Variants in TMEM163 observed in about 807,000 individuals in gnomAD.
TMEM163 encodes transmembrane protein 163.
A neutral mutation model predicts 29.3 loss-of-function variants in TMEM163; 17 were observed. The ratio of observed to expected loss-of-function variants is 0.58; its 90% confidence interval spans 0.40 to 0.87. TMEM163 has a LOEUF of 0.87. Among genes scored for constraint, TMEM163 ranks in the 40% least tolerant of loss-of-function variants. TMEM163 has a pLI of 0.00. For missense variants in TMEM163, 303 were observed against 381.5 expected (o/e 0.79, Z 1.71); for synonymous variants, 157 against 160.6 (o/e 0.98, Z 0.17).
chr2:134,602,574 G>C (rs556251764), intron 2 of TMEM163, among the ~76,000 whole-genome samples: 1 of 152,238 alleles, frequency 6.6e-6, no homozygotes, highest in East Asian at 1.9e-4. Context: ...GAATTGCCCT[G>C]ACGAGCACAG....
At position 134,623,367 on chromosome 2, in the gene TMEM163, C is replaced by T. The variant is rs545600621; in HGVS notation, c.323-71276G>A. Among the ~76,000 whole-genome samples the T allele has an allele frequency of 4.6e-5, 7 of 152,180 alleles. No homozygotes were observed. The South Asian group carries it at 1.2e-3, about 27-fold the overall frequency. On this transcript the variant is annotated intron_variant, in intron 2 of 7. Transcript: ENST00000281924. ...CTTAAGACTTCCATTTATACTTTTT[C>T]GAGCAGCACTCACACCCAAGTACTA...
chr2:134,552,656 CTTTTTTTTTTTT>C (rs35785546), intron 2 of TMEM163, among the ~76,000 whole-genome samples: 19 of 113,528 alleles, frequency 1.7e-4, no homozygotes, highest in Admixed American at 2.9e-4. Context: ...TATTTTGATC[CTTTTTTTTTTTT>C]TTTTTTTTTT....
At chr2:134,596,064 C>A (rs1237785467) in intron 2 of TMEM163, among the ~76,000 whole-genome samples, 2 of 152,138 alleles carry the variant, frequency 1.3e-5, no homozygotes, top group Non-Finnish European at 2.9e-5. Flanking sequence ...CTGTAGGTTG[C>A]CGGTTCACTC....
chr2:134,477,225 A>G (rs1045510305), intron 5 of TMEM163, among the ~76,000 whole-genome samples: 2 of 152,206 alleles, frequency 1.3e-5, no homozygotes, highest in Non-Finnish European at 2.9e-5. Context: ...TGCAGGAGGT[A>G]CTGGGTGAAT....
intron 2 of TMEM163, among the ~76,000 whole-genome samples, chr2:134,683,689 G>A (rs186946581): frequency 0.012 from 1,891 of 152,286 alleles, 25 homozygotes; most frequent in Non-Finnish European, 0.017. Context: ...CACAGACCCT[G>A]GCTCAATAGC....
At chr2:134,469,665 G>T (rs557252028) in intron 5 of TMEM163, 1 of 152,412 alleles carries the variant, frequency 6.6e-6, no homozygotes, top group African/African-American at 2.4e-5. Flanking sequence ...TCGCCCAGGG[G>T]AGAGAGGGGC....
At chr2:134,516,623 ATT>A (rs70973455) in intron 4 of TMEM163, among the ~76,000 whole-genome samples, 1 of 148,178 alleles carries the variant, frequency 6.7e-6, no homozygotes, top group Non-Finnish European at 1.5e-5. Context: ...ATATTCATAT[ATT>A]TTTATATATA....
At chr2:134,572,444 T>C (rs185852979) in intron 2 of TMEM163, among the ~76,000 whole-genome samples, 2 of 152,356 alleles carry the variant, frequency 1.3e-5, no homozygotes, top group Admixed American at 1.3e-4. Context: ...CAAAGATACC[T>C]CTCCAATCCT....
At position 134,552,431 on chromosome 2, in the gene TMEM163, A is replaced by G. The variant is rs1206762151; in HGVS notation, c.323-340T>C. Among the ~76,000 whole-genome samples, 7 of 152,144 alleles carry G rather than the reference A, an allele frequency of 4.6e-5. No individual in the cohort carries two copies. In the East Asian group the frequency reaches 5.8e-4, roughly 13 times the overall value. ...ATCAAACTTTCAAAGTAAAACTCCA[A>G]CCACCCAAACTGTTCCCATAATAAG... On this transcript the variant is annotated intron_variant, in intron 2 of 7. Transcript: ENST00000281924.
chr2:134,521,743 G>T (rs576294080), intron 4 of TMEM163, among the ~76,000 whole-genome samples: 1 of 152,278 alleles, frequency 6.6e-6, no homozygotes, highest in South Asian at 2.1e-4. Flanking sequence ...TGCACACAAG[G>T]TGAACATCAA....
At chr2:134,683,147 C>G (rs1574336377) in intron 2 of TMEM163, among the ~76,000 whole-genome samples, 2 of 152,264 alleles carry the variant, frequency 1.3e-5, no homozygotes, top group East Asian at 3.9e-4. Flanking sequence ...TGAAGATACT[C>G]TACATGATAC....
chr2:134,481,117 G>A (rs1040647507), intron 5 of TMEM163, among the ~76,000 whole-genome samples: 43 of 152,118 alleles, frequency 2.8e-4, no homozygotes, highest in African/African-American at 8.9e-4. Flanking sequence ...CTTAGACTTC[G>A]TTTGTCAACA....
chr2:134,537,023 A>G (rs1432998940), intron 4 of TMEM163, among the ~76,000 whole-genome samples: 3 of 152,218 alleles, frequency 2.0e-5, no homozygotes, highest in African/African-American at 7.2e-5. Flanking sequence ...AAAATAGGGC[A>G]GATCACTTCA....
chr2:134,464,635 G>A (rs941086186), intron 6 of TMEM163, among the ~76,000 whole-genome samples: 1 of 152,164 alleles, frequency 6.6e-6, no homozygotes, highest in Non-Finnish European at 1.5e-5. Flanking sequence ...CTTCCCAAGA[G>A]ACCGTGTTGC....
intron 4 of TMEM163, among the ~76,000 whole-genome samples, chr2:134,506,917 T>C (rs1574188564): frequency 6.6e-6 from 1 of 152,154 alleles, no homozygotes; most frequent in East Asian, 1.9e-4. Context: ...AGGAACCAGG[T>C]CACTAAAAAG....
At chr2:134,495,293 A>C (rs4953919) in intron 5 of TMEM163, among the ~76,000 whole-genome samples, 20,308 of 152,244 alleles carry the variant, frequency 0.13, 1,706 homozygotes, top group Middle Eastern at 0.3. Context: ...TCACAGAGTT[A>C]AGGTTGGCAC....
At chr2:134,529,343 A>G (rs1013034081) in intron 4 of TMEM163, among the ~76,000 whole-genome samples, 4 of 151,906 alleles carry the variant, frequency 2.6e-5, no homozygotes, top group Non-Finnish European at 5.9e-5. Context: ...AAACAAAAAC[A>G]AAATGTATAT....
chr2:134,607,058 G>C (rs373368623), intron 2 of TMEM163, among the ~76,000 whole-genome samples: 2 of 131,596 alleles, frequency 1.5e-5, no homozygotes, highest in African/African-American at 6.2e-5. Context: ...CCCGAGAACT[G>C]TGCTGGTGAA....
intron 1 of TMEM163, 112 bp from the exon 2 acceptor site, chr2:134,713,431 CG>C: frequency 6.7e-7 from 1 of 1,485,024 alleles, no homozygotes; most frequent in Non-Finnish European, 9.3e-7. Flanking sequence ...TGGGCCAAGA[CG>C]TGTTTTGTTT....
Sources: allele counts gnomAD v4.1 joint callset (sites outside exome capture counted in the v4.1 genomes callset), GRCh38; gene constraint gnomAD v4.1.1; transcripts MANE v1.5; gene names NCBI Gene and HGNC (gene_info 2026-07-23, HGNC 2026-07-21).